Variants in MCTP1 observed in about 807,000 individuals in gnomAD.
The protein encoded by MCTP1 is multiple C2 and transmembrane domain-containing protein 1.
Under a neutral mutation model 120.6 loss-of-function variants are expected in MCTP1, and 69 were observed. The observed-to-expected ratio is 0.57, with a 90% confidence interval of 0.47 to 0.70. The LOEUF (loss-of-function observed/expected upper bound fraction) is 0.70, where lower values mean the gene tolerates loss of function less well. MCTP1 is among the 30% of genes least tolerant of loss of function. MCTP1 has a pLI of 0.00. For synonymous variants in MCTP1, 529 were observed against 493.1 expected (o/e 1.07, Z -0.96); for missense variants, 1,203 against 1,248.8 (o/e 0.96, Z 0.55).
intron 9 of MCTP1, among the ~76,000 whole-genome samples, chr5:94,912,329 AGAG>A (rs923166492): frequency 5.9e-4 from 87 of 147,962 alleles, no homozygotes; most frequent in East Asian, 1.0e-3. Context: ...GGAGGCTGAG[AGAG>A]GAGAATTGCT....
intron 10 of MCTP1, among the ~76,000 whole-genome samples, chr5:94,906,342 C>T (rs554843631): frequency 4.6e-5 from 7 of 152,146 alleles, no homozygotes; most frequent in South Asian, 2.1e-4. Context: ...AAAAATTAGC[C>T]GGGCATGGTG....
At chr5:94,828,003 G>A (rs1449845302) in intron 17 of MCTP1, among the ~76,000 whole-genome samples, 1 of 151,962 alleles carries the variant, frequency 6.6e-6, no homozygotes, top group Non-Finnish European at 1.5e-5. Flanking sequence ...TTCTCTTGCT[G>A]GTGAGGAGTT....
At chr5:95,283,801 A>T in intron 1 of MCTP1, 55 bp downstream of exon 1, 1 of 1,295,044 alleles carries the variant, frequency 7.7e-7, no homozygotes, top group Non-Finnish European at 9.8e-7. Context: ...TGAACGCCTG[A>T]AGAGGGAGGC....
At chr5:95,022,247 C>T (rs1204055746) in intron 1 of MCTP1, among the ~76,000 whole-genome samples, 1 of 152,138 alleles carries the variant, frequency 6.6e-6, no homozygotes, top group East Asian at 1.9e-4. Context: ...ACTTTTGCAC[C>T]AACCTAACTG....
chr5:94,978,309 T>A (rs968768508), intron 2 of MCTP1, among the ~76,000 whole-genome samples: 10 of 151,842 alleles, frequency 6.6e-5, no homozygotes, highest in African/African-American at 1.5e-4. Flanking sequence ...TAAAAAAAAA[T>A]AAAAATAGAG....
chr5:95,266,449 G>C (rs1758892277), intron 1 of MCTP1, among the ~76,000 whole-genome samples: 1 of 152,060 alleles, frequency 6.6e-6, no homozygotes, highest in Admixed American at 6.6e-5. Flanking sequence ...TTCTGAAAAG[G>C]GTTTATGATA....
intron 1 of MCTP1, among the ~76,000 whole-genome samples, chr5:95,165,101 C>G (rs1212594759): frequency 6.6e-6 from 1 of 152,112 alleles, no homozygotes; most frequent in Admixed American, 6.5e-5. Flanking sequence ...TCAACAGGAA[C>G]TGAGAAATTT....
At chr5:95,027,276 T>C (rs965488939) in intron 1 of MCTP1, among the ~76,000 whole-genome samples, 1 of 152,202 alleles carries the variant, frequency 6.6e-6, no homozygotes, top group Non-Finnish European at 1.5e-5. Context: ...TTATGCTTGG[T>C]TCCAAGTAAA....
chr5:94,918,852 G>T (rs927178668), intron 7 of MCTP1, among the ~76,000 whole-genome samples: 1 of 152,070 alleles, frequency 6.6e-6, no homozygotes, highest in African/African-American at 2.4e-5. Flanking sequence ...TTCATGACAG[G>T]AATCTTATTT....
rs1236555201 is a variant in MCTP1 at position 94,705,026 on chromosome 5, T to C, written c.*2470A>G. ...AGTAATAGTTTATGAATATAAATAA[T>C]GACTCAGTGAATTTACTCACTAAAA... On this transcript the variant is annotated 3_prime_UTR_variant, in exon 23 of 23. Transcript: ENST00000515393. The C allele has an allele frequency of 1.3e-5, 2 of 151,378 alleles. No individual in the cohort carries two copies. Among genetic ancestry groups the C allele is most frequent in the African/African-American group, 4.8e-5 (2 of 41,330 alleles). 9.4% of individuals were successfully genotyped at this position (151,378 alleles called of 1,614,324 possible).
chr5:95,098,735 T>C (rs975601838), intron 1 of MCTP1, among the ~76,000 whole-genome samples: 84 of 152,224 alleles, frequency 5.5e-4, no homozygotes, highest in African/African-American at 2.0e-3. Context: ...CCCATCAAGC[T>C]ACCAATGATT....
At chr5:95,072,947 G>A (rs549086651) in intron 1 of MCTP1, among the ~76,000 whole-genome samples, 10 of 151,892 alleles carry the variant, frequency 6.6e-5, no homozygotes, top group South Asian at 2.1e-4. Flanking sequence ...AGGTTTCACC[G>A]TGTTAGCCAG....
At chr5:95,179,316 C>T (rs375906911) in intron 1 of MCTP1, among the ~76,000 whole-genome samples, 2 of 152,104 alleles carry the variant, frequency 1.3e-5, no homozygotes, top group African/African-American at 4.8e-5. Context: ...TATCCAAATA[C>T]GAGTAGCTCA....
At chr5:95,060,970 GAAAAT>G (rs1748852543) in intron 1 of MCTP1, among the ~76,000 whole-genome samples, 3 of 143,372 alleles carry the variant, frequency 2.1e-5, no homozygotes, top group African/African-American at 7.6e-5. Context: ...GAAAAGAAAA[GAAAAT>G]AATGAAGAAT....
At chr5:95,127,886 G>A (rs1295608218) in intron 1 of MCTP1, among the ~76,000 whole-genome samples, 1 of 152,166 alleles carries the variant, frequency 6.6e-6, no homozygotes, top group Non-Finnish European at 1.5e-5. Context: ...AAGTGCTGGT[G>A]CAATCTGAAT....
rs183928919 is a variant in MCTP1 at position 95,025,042 on chromosome 5, G to A, written c.721-7558C>T. ...CAATCTCTATCATAATTTCAATGACGTTATTCACAGAAATAGAATAAATAA... is the reference window on the plus strand; with the variant it reads ...CAATCTCTATCATAATTTCAATGACATTATTCACAGAAATAGAATAAATAA... On this transcript the variant is annotated intron_variant, in intron 1 of 22. Coordinates refer to ENST00000515393, the MANE Select transcript of MCTP1 (RefSeq NM_024717.7). Among the ~76,000 whole-genome samples the A allele has an allele frequency of 3.3e-5, 5 of 152,166 alleles. No homozygotes were observed. The East Asian group carries it at 5.8e-4, about 18-fold the overall frequency.
At position 94,960,849 on chromosome 5, in the gene MCTP1, G is replaced by C. The variant is rs566615797; in HGVS notation, c.839-7488C>G. Among the ~76,000 whole-genome samples the C allele has an allele frequency of 3.3e-5, 5 of 152,208 alleles. No homozygotes were observed. The East Asian group carries it at 9.7e-4, about 29-fold the overall frequency. On this transcript the variant is annotated intron_variant, in intron 2 of 22. Coordinates refer to ENST00000515393, the MANE Select transcript of MCTP1 (RefSeq NM_024717.7). ...GGAGTGTAAATTAGTTCAACCACAG[G>C]GGAAGACTGTGTGGCAATTCCTCAA... is the stretch of plus-strand genomic sequence containing the variant.
chr5:95,077,817 A>C (rs1380324182), intron 1 of MCTP1, among the ~76,000 whole-genome samples: 2 of 152,200 alleles, frequency 1.3e-5, no homozygotes, highest in Non-Finnish European at 2.9e-5. Context: ...ATAGGAGGAA[A>C]GGCTTGTGGC....
At chr5:94,916,037 A>C (rs1021142469) in intron 8 of MCTP1, among the ~76,000 whole-genome samples, 9 of 152,166 alleles carry the variant, frequency 5.9e-5, no homozygotes, top group African/African-American at 2.2e-4. Flanking sequence ...AGTTTCAAAG[A>C]TATTCTATTC....
Sources: gnomAD v4.1 joint callset for allele counts (sites outside exome capture counted in the v4.1 genomes callset) on GRCh38, gnomAD v4.1.1 for gene constraint, MANE v1.5 for transcripts, NCBI Gene and HGNC (gene_info 2026-07-23, HGNC 2026-07-21) for gene names.